The following CCDC6 variants were observed in gnomAD, a reference collection of about 807,000 sequenced individuals.
CCDC6 encodes the protein coiled-coil domain containing 6.
In CCDC6, 20 loss-of-function variants were observed where a neutral mutation model predicts 56.6. The observed-to-expected ratio is 0.35, with a 90% confidence interval of 0.25 to 0.51. CCDC6 has a LOEUF of 0.51. Ranked by LOEUF, CCDC6 falls within the 20% of genes least tolerant of loss-of-function variation. The probability of loss-of-function intolerance (pLI) is 0.95; values close to 1 mark genes in which losing one functional copy is unlikely to be tolerated. For synonymous variants in CCDC6, 241 were observed against 234.4 expected (o/e 1.03, Z -0.26); for missense variants, 367 against 601.1 (o/e 0.61, Z 4.07).
intron 1 of CCDC6, among the ~76,000 whole-genome samples, chr10:59,888,685 G>T (rs1231086241): frequency 2.6e-5 from 4 of 152,162 alleles, no homozygotes; most frequent in Non-Finnish European, 5.9e-5. Flanking sequence ...TGCTAATTTT[G>T]TCTGGTATGA....
intron 1 of CCDC6, among the ~76,000 whole-genome samples, chr10:59,890,887 C>T (rs941774723): frequency 5.3e-5 from 8 of 152,146 alleles, no homozygotes; most frequent in Admixed American, 4.6e-4. Flanking sequence ...CCTCCTCCCC[C>T]AACCCCACGA....
In CCDC6 at chr10:59,800,322, T is replaced by C. The variant is rs905735925; in HGVS notation, c.1105+4098A>G. Among the ~76,000 whole-genome samples the C allele has an allele frequency of 9.2e-5, 14 of 152,360 alleles. No homozygotes were observed. The East Asian group carries it at 1.9e-3, about 21-fold the overall frequency. ...TCAACCATCCTTATCCTTCTACTAC[T>C]CTTAACGCATCCTAGCAATGACTGA... On this transcript the variant is annotated intron_variant, in intron 7 of 8. Coordinates refer to ENST00000263102, the MANE Select transcript of CCDC6 (RefSeq NM_005436.5).
At chr10:59,869,033 G>A (rs2071202472) in intron 1 of CCDC6, among the ~76,000 whole-genome samples, 1 of 151,942 alleles carries the variant, frequency 6.6e-6, no homozygotes, top group East Asian at 1.9e-4. Flanking sequence ...CAAACCTGAG[G>A]GTGGTCCTGG....
intron 1 of CCDC6, among the ~76,000 whole-genome samples, chr10:59,901,063 A>C (rs2071500941): frequency 6.6e-6 from 1 of 152,240 alleles, no homozygotes; most frequent in Non-Finnish European, 1.5e-5. Flanking sequence ...ACACACAAAA[A>C]AAACAAACGG....
intron 1 of CCDC6, among the ~76,000 whole-genome samples, chr10:59,903,884 A>G (rs576046434): frequency 3.9e-5 from 6 of 152,202 alleles, no homozygotes; most frequent in Non-Finnish European, 8.8e-5. Context: ...CTCCCGCATT[A>G]CATACCTGAG....
At chr10:59,898,563 TC>T (rs1342749685) in intron 1 of CCDC6, among the ~76,000 whole-genome samples, 2 of 152,176 alleles carry the variant, frequency 1.3e-5, no homozygotes, top group Non-Finnish European at 2.9e-5. Flanking sequence ...CACTGCACAA[TC>T]CCCAAGGCTG....
chr10:59,873,769 A>G (rs567519120), intron 1 of CCDC6, among the ~76,000 whole-genome samples: 52 of 152,354 alleles, frequency 3.4e-4, no homozygotes, highest in African/African-American at 1.2e-3. Flanking sequence ...TTGGTTTCTG[A>G]CAATGGTATT....
chr10:59,862,091 T>C (rs1341537302), intron 1 of CCDC6, among the ~76,000 whole-genome samples: 1 of 151,992 alleles, frequency 6.6e-6, no homozygotes, highest in Non-Finnish European at 1.5e-5. Flanking sequence ...AAAAGGACAG[T>C]ATAAAAATAG....
chr10:59,894,738 A>G (rs1374424975), intron 1 of CCDC6, among the ~76,000 whole-genome samples: 1 of 152,136 alleles, frequency 6.6e-6, no homozygotes, highest in Non-Finnish European at 1.5e-5. Flanking sequence ...ATCCTGGGGT[A>G]GCTGAACAGG....
rs560357691 is a variant in CCDC6, at chr10:59,855,810, T to C, written c.304-3108A>G. On this transcript the variant is annotated intron_variant, in intron 1 of 8. Transcript: ENST00000263102. ...AAAAAAGGACTCATAATCAACACAC[T>C]GTATTCACAGAGGACCAGTTTCCTT... Among the ~76,000 whole-genome samples, 8 of 152,350 alleles carry C rather than the reference T, an allele frequency of 5.3e-5. No homozygotes were observed. In the South Asian group the frequency reaches 6.2e-4, roughly 12 times the overall value.
At chr10:59,861,012 T>C (rs796314176) in intron 1 of CCDC6, among the ~76,000 whole-genome samples, 1 of 152,004 alleles carries the variant, frequency 6.6e-6, no homozygotes, top group Non-Finnish European at 1.5e-5. Flanking sequence ...CTGGCCAACA[T>C]GGTGAAACCC....
chr10:59,896,040 A>C (rs1589065476), intron 1 of CCDC6, among the ~76,000 whole-genome samples: 1 of 151,958 alleles, frequency 6.6e-6, no homozygotes, highest in Non-Finnish European at 1.5e-5. Flanking sequence ...TGTTGTGCAC[A>C]CTCCACGGGG....
intron 1 of CCDC6, among the ~76,000 whole-genome samples, chr10:59,863,279 C>T (rs2071149931): frequency 6.6e-6 from 1 of 152,136 alleles, no homozygotes; most frequent in South Asian, 2.1e-4. Context: ...TTTTGTCATG[C>T]TTTATAACTT....
chr10:59,876,546 T>G (rs888693636), intron 1 of CCDC6, among the ~76,000 whole-genome samples: 33 of 121,886 alleles, frequency 2.7e-4, no homozygotes, highest in African/African-American at 8.5e-4. Flanking sequence ...ACTTTTAAGA[T>G]AAAGATAGCT....
intron 1 of CCDC6, among the ~76,000 whole-genome samples, chr10:59,885,694 G>A (rs1342125296): frequency 6.6e-6 from 1 of 151,882 alleles, no homozygotes; most frequent in Non-Finnish European, 1.5e-5. Context: ...CTCTTCCCTG[G>A]GCCCAGAACA....
At chr10:59,823,662 G>C (rs1286619319) in intron 3 of CCDC6, among the ~76,000 whole-genome samples, 1 of 141,578 alleles carries the variant, frequency 7.1e-6, no homozygotes, top group African/African-American at 2.5e-5. Context: ...GGACAAACTT[G>C]ATGTTCTTTA....
At chr10:59,858,765 C>T (rs866018058) in intron 1 of CCDC6, among the ~76,000 whole-genome samples, 1 of 152,188 alleles carries the variant, frequency 6.6e-6, no homozygotes, top group South Asian at 2.1e-4. Flanking sequence ...TACTTGGATA[C>T]AGAGCAATGA....
At chr10:59,806,813 C>G in intron 6 of CCDC6, 109 bp downstream of exon 6, 1 of 901,724 alleles carries the variant, frequency 1.1e-6, no homozygotes, top group Non-Finnish European at 1.7e-6. Context: ...ACAATAAATA[C>G]ATATTTAAGC....
chr10:59,814,609 C>T, intron 4 of CCDC6, 43 bp downstream of exon 4: 1 of 1,193,696 alleles, frequency 8.4e-7, no homozygotes, highest in African/African-American at 1.5e-5. Context: ...AACACACACA[C>T]ACACACACAC....
Sources: allele counts gnomAD v4.1 joint callset (sites outside exome capture counted in the v4.1 genomes callset), GRCh38; gene constraint gnomAD v4.1.1; transcripts MANE v1.5; gene names NCBI Gene and HGNC (gene_info 2026-07-23, HGNC 2026-07-21).